Variants in DDX27 observed in about 807,000 individuals in gnomAD.
DDX27 encodes DEAD-box helicase 27.
In DDX27, 42 loss-of-function variants were observed where a neutral mutation model predicts 99.3. The observed-to-expected ratio is 0.42, with a 90% confidence interval of 0.33 to 0.55. The LOEUF (loss-of-function observed/expected upper bound fraction) is 0.55, where lower values mean the gene tolerates loss of function less well. Among genes scored for constraint, DDX27 ranks in the 20% least tolerant of loss-of-function variants. The pLI is 0.07. For missense variants in DDX27, 798 were observed against 976.8 expected (o/e 0.82, Z 2.44); for synonymous variants, 329 against 353.8 (o/e 0.93, Z 0.79).
chr20:49,221,824 T>C (rs1979698666), intron 2 of DDX27, among the ~76,000 whole-genome samples: 1 of 151,420 alleles, frequency 6.6e-6, no homozygotes, highest in Non-Finnish European at 1.5e-5. Context: ...TTTTTTTTTT[T>C]TTCTGAGTCT....
Position 49,236,347 on chromosome 20 carries a change from A to C in DDX27, c.1524A>C (p.Thr508=). The C allele has an allele frequency of 6.3e-7, 1 of 1,582,274 alleles. No homozygotes were observed. Among genetic ancestry groups the C allele is most frequent in the Non-Finnish European group, 8.6e-7 (1 of 1,161,226 alleles). Residue 508 remains threonine, a synonymous_variant, in exon 14 of 21, where the codon ACA becomes ACC. Coordinates refer to ENST00000618172, the MANE Select transcript of DDX27 (RefSeq NM_017895.8). The surrounding 1 kb of genome is among the most constrained non-coding windows in gnomAD (Gnocchi z 4.1). ...TGACCTTCTAGGTAATCAACTTCAC[A>C]ATGCCTAATACCATCAAACATTATG... ...IEGVKTVINF[T]MPNTIKHYVH...
chr20:49,223,351 A>G lies in DDX27; in HGVS notation c.384A>G (p.Gln128=), dbSNP rs1207298631. The change falls in exon 4 of 21, where the codon CAA becomes CAG. Residue 128 remains glutamine, a synonymous_variant. Transcript: ENST00000618172. ...GSEPKEQEDL[Q]ENDEEGSEDE... is the part of the protein sequence containing the mutation. ...AACCAAAGGAGCAGGAAGACCTTCA[A>G]GAGAATGATGAGGAAGGCTCAGAAG... 6.2e-7 allele frequency: 1 copy of G among 1,614,016 alleles called. No homozygotes were observed. The highest frequency in any genetic ancestry group is 8.5e-7 in the Non-Finnish European group (1 of 1,180,016).
At chr20:49,224,720 C>T (rs1157893913) in intron 4 of DDX27, 4 of 579,890 alleles carry the variant, frequency 6.9e-6, no homozygotes, top group South Asian at 2.1e-5. Flanking sequence ...GTGTAGTGGT[C>T]GAGAGCCTGG....
At chr20:49,227,709 G>A (rs1199364192) in intron 7 of DDX27, among the ~76,000 whole-genome samples, 1 of 152,112 alleles carries the variant, frequency 6.6e-6, no homozygotes, top group Non-Finnish European at 1.5e-5. Context: ...GTGCATGAGA[G>A]GATGTCCGGT....
At position 49,221,614 on chromosome 20, in the gene DDX27, A is replaced by T. The variant is rs1426781131; in HGVS notation, c.240+16A>T. 2 of 1,580,046 alleles carry T rather than the reference A, an allele frequency of 1.3e-6. No homozygotes were observed. The highest frequency in any genetic ancestry group is 1.7e-6 in the Non-Finnish European group (2 of 1,161,932). On this transcript the variant is annotated intron_variant, in intron 2 of 20. Transcript: ENST00000618172. ...CAAGAAGAAGGTGAGACTGACAGTG[A>T]TGGACAGCTCCAGACTTTGGGCTAT...
chr20:49,226,871 T>TTTTTC (rs1979910815), intron 7 of DDX27, among the ~76,000 whole-genome samples: 1 of 134,310 alleles, frequency 7.4e-6, no homozygotes, highest in Non-Finnish European at 1.6e-5. Context: ...TTTTTTTTTT[T>TTTTTC]TTTTTTTTTG....
chr20:49,242,193 A>G lies in DDX27; in HGVS notation c.2103A>G (p.Pro701=). ...CCCGAGCAATGCCCGAGGAGGAGCC[A>G]GTGAGAGGTCCTGGTAGGTGAATGG... ...KRARAMPEEE[P]VRGPAKKQKQ... is the part of the protein sequence containing the mutation. Residue 701 remains proline (P), a synonymous_variant, in exon 18 of 21, where the codon CCA becomes CCG. Coordinates refer to ENST00000618172, the MANE Select transcript of DDX27 (RefSeq NM_017895.8). 6.2e-7 allele frequency: 1 copy of G among 1,614,176 alleles called. No individual in the cohort carries two copies. Among genetic ancestry groups the G allele is most frequent in the Non-Finnish European group, 8.5e-7 (1 of 1,179,996 alleles).
intron 18 of DDX27, 58 bp downstream of exon 18, chr20:49,242,264 T>G: frequency 6.3e-7 from 1 of 1,595,962 alleles, no homozygotes. Context: ...AACCTGTGCT[T>G]TGGGTCAGGG....
At chr20:49,227,123 A>C (rs1320949794) in intron 7 of DDX27, among the ~76,000 whole-genome samples, 8 of 151,966 alleles carry the variant, frequency 5.3e-5, no homozygotes. Flanking sequence ...TGGCCTCCCA[A>C]AGTGCTGGGA....
In DDX27 at chr20:49,242,174, C is replaced by T. The variant is rs1980500848; in HGVS notation, c.2084C>T (p.Ala695Val). 3.1e-6 allele frequency: 5 copies of T among 1,614,104 alleles called. No homozygotes were observed. The highest frequency in any genetic ancestry group is 4.2e-6 in the Non-Finnish European group (5 of 1,179,992). The change falls in exon 18 of 21, where the codon GCA (alanine) becomes GTA (valine). Residue 695 changes from alanine to valine, a missense_variant. By Grantham distance (64) the Ala-to-Val change is moderately conservative (BLOSUM62 0). Coordinates refer to ENST00000618172, the MANE Select transcript of DDX27 (RefSeq NM_017895.8). Reference sequence around the variant, plus strand: ...AATCGCAGAGCCAAGCGGGCCCGAGCAATGCCCGAGGAGGAGCCAGTGAGA... The same window carrying T: ...AATCGCAGAGCCAAGCGGGCCCGAGTAATGCCCGAGGAGGAGCCAGTGAGA... ...KRNRRAKRAR[A>V]MPEEEPVRGP...
chr20:49,232,229 T>C (rs1980137644), intron 9 of DDX27, among the ~76,000 whole-genome samples: 2 of 152,124 alleles, frequency 1.3e-5, no homozygotes, highest in Non-Finnish European at 2.9e-5. Context: ...GGTTTTGCTA[T>C]GCTGCCCAGG....
chr20:49,236,218 A>G lies in DDX27; in HGVS notation c.1496A>G (p.Glu499Gly). ...TDVAARGLDI[E>G]GVKTVINFTM... ...GTGGCAGCCCGTGGACTTGACATTG[A>G]GGGGGTCAAAACGGTGAGCAGACAC... Residue 499 changes from glutamate (E) to glycine (G), a missense_variant, in exon 13 of 21, where the codon GAG becomes GGG. Glu to Gly is a moderately conservative substitution (Grantham distance 98, BLOSUM62 -2). Transcript: ENST00000618172. The surrounding 1 kb of genome is among the most constrained non-coding windows in gnomAD (Gnocchi z 4.1). The G allele has an allele frequency of 3.7e-6, 6 of 1,609,562 alleles. No homozygotes were observed. The highest frequency in any genetic ancestry group is 5.1e-6 in the Non-Finnish European group (6 of 1,178,028).
At chr20:49,242,733 T>G in intron 19 of DDX27, 52 bp downstream of exon 19, 1 of 430,022 alleles carries the variant, frequency 2.3e-6, no homozygotes, top group Admixed American at 4.1e-5. Context: ...TTTTTTTTTT[T>G]TTTTTTTGAG....
intron 8 of DDX27, among the ~76,000 whole-genome samples, chr20:49,229,252 G>GA (rs1390954211): frequency 2.0e-5 from 3 of 151,854 alleles, no homozygotes; most frequent in Admixed American, 2.0e-4. Context: ...GGATAGTCTC[G>GA]ATCTCCTGAC....
chr20:49,229,164 A>G (rs534903793), intron 8 of DDX27, among the ~76,000 whole-genome samples: 7 of 150,070 alleles, frequency 4.7e-5, no homozygotes, highest in African/African-American at 1.5e-4. Context: ...CAGCCTCCCC[A>G]GTAGCTGGGA....
rs1244464118 is a variant in DDX27, at chr20:49,244,000, C to G, written c.*166C>G. On this transcript the variant is annotated 3_prime_UTR_variant, in exon 21 of 21. Coordinates refer to ENST00000618172, the MANE Select transcript of DDX27 (RefSeq NM_017895.8). The stretch of plus-strand genomic sequence containing the variant: ...TACGTAGCTATTTTCCTAAGCATGT[C>G]TGTCAATCTCCCTTCTTGCTGATTA... The G allele has an allele frequency of 9.7e-6, 7 of 721,274 alleles. No individual in the cohort carries two copies. Among genetic ancestry groups the G allele is most frequent in the East Asian group, 2.7e-5 (1 of 37,096 alleles). The allele number at this position is 721,274 out of a possible 1,614,324, so 44.7% of individuals were successfully genotyped here.
chr20:49,239,207 C>T (rs375894971), intron 15 of DDX27, 29 bp from the exon 16 acceptor site: 80 of 1,605,050 alleles, frequency 5.0e-5, no homozygotes, highest in Middle Eastern at 1.7e-4. Flanking sequence ...ACGGGTTTCA[C>T]GGCAGGCATC....
chr20:49,224,362 C>CT (rs10654735), intron 4 of DDX27, among the ~76,000 whole-genome samples: 90,155 of 140,330 alleles, frequency 0.64, 30,185 homozygotes, highest in Non-Finnish European at 0.75. Flanking sequence ...GTATTTCTTT[C>CT]TTTCTTTTTT....
At chr20:49,243,588 T>C in intron 19 of DDX27, 41 bp from the exon 20 acceptor site, 1 of 1,592,680 alleles carries the variant, frequency 6.3e-7, no homozygotes, top group Non-Finnish European at 8.6e-7. Context: ...ACCCATTTGT[T>C]CAACAGTTTG....
Sources: gnomAD v4.1 joint callset for allele counts (sites outside exome capture counted in the v4.1 genomes callset) on GRCh38, gnomAD v4.1.1 for gene constraint, Gnocchi (gnomAD v3.1) non-coding constraint, MANE v1.5 for transcripts, NCBI Gene and HGNC (gene_info 2026-07-23, HGNC 2026-07-21) for gene names.